COG5: variants seen among roughly 807,000 people sequenced by gnomAD.
The protein encoded by COG5 is component of oligomeric golgi complex 5.
In COG5, 86 loss-of-function variants were observed where a neutral mutation model predicts 110.4. The observed-to-expected ratio is 0.78, with a 90% CI of 0.65 to 0.93. COG5 has a LOEUF of 0.93. Ranked by LOEUF, COG5 falls within the 40% of genes least tolerant of loss-of-function variation. The probability of loss-of-function intolerance (pLI) is 0.00; values close to 1 mark genes in which losing one functional copy is unlikely to be tolerated. For synonymous variants in COG5, 360 were observed against 334.6 expected (o/e 1.08, Z -0.83); for missense variants, 1,077 against 987.0 (o/e 1.09, Z -1.22).
chr7:107,233,211 G>A (rs182313995), intron 18 of COG5, among the ~76,000 whole-genome samples: 2 of 152,150 alleles, frequency 1.3e-5, no homozygotes, highest in Non-Finnish European at 2.9e-5. Flanking sequence ...AGGGGTGGAG[G>A]GGGAGTATGT....
At chr7:107,288,720 G>C (rs1163856906) in intron 12 of COG5, among the ~76,000 whole-genome samples, 2 of 151,680 alleles carry the variant, frequency 1.3e-5, no homozygotes, top group South Asian at 4.2e-4. Context: ...AGATCTATGA[G>C]TCAGAAATAT....
chr7:107,523,259 T>C (rs547672429), intron 6 of COG5, among the ~76,000 whole-genome samples: 110 of 152,282 alleles, frequency 7.2e-4, no homozygotes, highest in Non-Finnish European at 1.4e-3. Context: ...GTCTGTCATA[T>C]TTTTATGCTG....
At chr7:107,389,483 C>G (rs1790456550) in intron 7 of COG5, among the ~76,000 whole-genome samples, 1 of 152,224 alleles carries the variant, frequency 6.6e-6, no homozygotes, top group Non-Finnish European at 1.5e-5. Context: ...ACAGCTTTAG[C>G]TGCAGGTGGC....
intron 6 of COG5, among the ~76,000 whole-genome samples, chr7:107,437,197 T>C (rs1794420145): frequency 6.6e-6 from 1 of 152,166 alleles, no homozygotes; most frequent in South Asian, 2.1e-4. Flanking sequence ...TTTACAACAG[T>C]GTAAGGCATT....
intron 14 of COG5, among the ~76,000 whole-genome samples, chr7:107,262,447 G>C (rs1391272664): frequency 6.6e-6 from 1 of 152,162 alleles, no homozygotes; most frequent in Non-Finnish European, 1.5e-5. Context: ...GAGTTCATTA[G>C]TTTTCAGAGA....
chr7:107,265,973 C>A (rs545875511), intron 14 of COG5, among the ~76,000 whole-genome samples: 2 of 152,028 alleles, frequency 1.3e-5, no homozygotes, highest in Admixed American at 6.5e-5. Flanking sequence ...GATTTTTTGA[C>A]CCCAGGAGGT....
At chr7:107,243,328 A>T (rs1490286390) in intron 17 of COG5, among the ~76,000 whole-genome samples, 1 of 151,882 alleles carries the variant, frequency 6.6e-6, no homozygotes, top group East Asian at 1.9e-4. Flanking sequence ...CCTGGCTAAC[A>T]CGGTGAAACC....
intron 14 of COG5, among the ~76,000 whole-genome samples, chr7:107,266,513 A>T (rs1355480300): frequency 6.6e-6 from 1 of 152,212 alleles, no homozygotes; most frequent in Non-Finnish European, 1.5e-5. Flanking sequence ...TTCATTCATT[A>T]AACAAACTTA....
chr7:107,214,917 T>C (rs1489647582), intron 19 of COG5, among the ~76,000 whole-genome samples: 4 of 144,940 alleles, frequency 2.8e-5, no homozygotes, highest in Admixed American at 6.9e-5. Flanking sequence ...CGAGACTCTG[T>C]CTCAAAAAAA....
intron 17 of COG5, among the ~76,000 whole-genome samples, chr7:107,238,293 GTTC>G (rs1801354015): frequency 6.6e-6 from 1 of 152,138 alleles, no homozygotes; most frequent in African/African-American, 2.4e-5. Flanking sequence ...TGTTCTGTAG[GTTC>G]ATCTATTTGT....
Position 107,326,444 on chromosome 7 carries a change from A to G in COG5, c.1027-1923T>C, listed in dbSNP as rs1004761129. Among the ~76,000 whole-genome samples, 20 of 152,204 alleles carry G rather than the reference A, an allele frequency of 1.3e-4. 1 individual carries two copies. Among genetic ancestry groups the G allele is most frequent in the Non-Finnish European group, 2.9e-4 (20 of 68,044 alleles). On this transcript the variant is annotated intron_variant, in intron 10 of 21. Coordinates refer to ENST00000297135, the MANE Select transcript of COG5 (RefSeq NM_006348.5). ...AAAGGCCTGTTAAAATAATAACTGA[A>G]TTCAGCCAAGTTGTAGCCTACAAAA...
chr7:107,471,282 G>C (rs949942230), intron 6 of COG5: 2 of 151,878 alleles, frequency 1.3e-5, no homozygotes, highest in Non-Finnish European at 2.9e-5. Context: ...ACAAATACTG[G>C]ATAGTTTTTA....
intron 6 of COG5, among the ~76,000 whole-genome samples, chr7:107,456,453 A>C (rs960257798): frequency 1.3e-5 from 2 of 152,202 alleles, no homozygotes; most frequent in African/African-American, 4.8e-5. Context: ...GTGATCCCTA[A>C]AATATAGCTT....
chr7:107,408,988 T>C (rs1357607617), intron 7 of COG5, among the ~76,000 whole-genome samples: 2 of 151,994 alleles, frequency 1.3e-5, no homozygotes, highest in Non-Finnish European at 2.9e-5. Context: ...CTGTTCTCTA[T>C]AAGCAAACTT....
chr7:107,498,663 G>A (rs967858067), intron 6 of COG5, among the ~76,000 whole-genome samples: 3 of 151,972 alleles, frequency 2.0e-5, no homozygotes, highest in African/African-American at 4.8e-5. Flanking sequence ...GTGAGGTTGC[G>A]GAGAAATTGG....
intron 12 of COG5, among the ~76,000 whole-genome samples, chr7:107,284,247 G>C (rs1452382879): frequency 1.3e-5 from 2 of 152,056 alleles, no homozygotes; most frequent in Non-Finnish European, 1.5e-5. Flanking sequence ...TAATCTCTAC[G>C]TAAGTCCCCA....
intron 11 of COG5, among the ~76,000 whole-genome samples, chr7:107,307,195 T>C (rs1807801667): frequency 6.6e-6 from 1 of 152,206 alleles, no homozygotes; most frequent in Non-Finnish European, 1.5e-5. Context: ...ATTATTCTGG[T>C]GAAAATCACG....
chr7:107,305,158 T>A (rs1807602398), intron 11 of COG5, among the ~76,000 whole-genome samples: 1 of 152,074 alleles, frequency 6.6e-6, no homozygotes, highest in Non-Finnish European at 1.5e-5. Context: ...GAAAGAGCAA[T>A]TCAGATAGAA....
chr7:107,555,967 C>T (rs1039151795), intron 2 of COG5, among the ~76,000 whole-genome samples: 4 of 150,120 alleles, frequency 2.7e-5, no homozygotes, highest in African/African-American at 7.4e-5. Context: ...TGAGCAAGAT[C>T]GTGCCACTTA....
Sources: gnomAD v4.1 joint callset for allele counts (sites outside exome capture counted in the v4.1 genomes callset) on GRCh38, gnomAD v4.1.1 for gene constraint, MANE v1.5 for transcripts, NCBI Gene and HGNC (gene_info 2026-07-23, HGNC 2026-07-21) for gene names.